PTPRK: variants seen among roughly 807,000 people sequenced by gnomAD.
The protein encoded by PTPRK is receptor-type tyrosine-protein phosphatase kappa.
A neutral mutation model predicts 178.0 loss-of-function variants in PTPRK; 75 were observed. The ratio of observed to expected loss-of-function variants is 0.42; its 90% CI spans 0.35 to 0.51. The LOEUF is 0.51. Among genes scored for constraint, PTPRK ranks in the 20% least tolerant of loss-of-function variants. PTPRK has a pLI of 0.02. For synonymous variants in PTPRK, 637 were observed against 620.6 expected (o/e 1.03, Z -0.39); for missense variants, 1,441 against 1,797.8 (o/e 0.80, Z 3.59).
At chr6:128,373,296 A>G (rs551814107) in intron 2 of PTPRK, among the ~76,000 whole-genome samples, 1 of 152,362 alleles carries the variant, frequency 6.6e-6, no homozygotes, top group Admixed American at 6.5e-5. Flanking sequence ...ACAGATGCAT[A>G]TGCAATAATC....
chr6:128,065,435 C>T (rs1174791069), intron 12 of PTPRK, among the ~76,000 whole-genome samples: 6 of 152,098 alleles, frequency 3.9e-5, no homozygotes, highest in African/African-American at 7.2e-5. Context: ...TTATTTTTAA[C>T]GCTGTCAGGT....
chr6:128,208,475 T>C (rs2128263299), intron 6 of PTPRK, among the ~76,000 whole-genome samples: 1 of 152,238 alleles, frequency 6.6e-6, no homozygotes, highest in South Asian at 2.1e-4. Flanking sequence ...GAAAAAGATT[T>C]CCACTTAACC....
intron 1 of PTPRK, among the ~76,000 whole-genome samples, chr6:128,480,239 G>A (rs78605947): frequency 2.6e-5 from 4 of 152,036 alleles, no homozygotes; most frequent in Admixed American, 6.6e-5. Flanking sequence ...TTCCCCTTTC[G>A]CGCTTGTTCT....
intron 13 of PTPRK, among the ~76,000 whole-genome samples, chr6:128,029,631 C>T (rs2114791410): frequency 7.3e-6 from 1 of 137,612 alleles, no homozygotes; most frequent in African/African-American, 2.8e-5. Flanking sequence ...AGTGAGATTC[C>T]ATCTCAAAAT....
At chr6:128,440,828 T>A (rs1846189040) in intron 1 of PTPRK, among the ~76,000 whole-genome samples, 1 of 152,134 alleles carries the variant, frequency 6.6e-6, no homozygotes, top group Non-Finnish European at 1.5e-5. Context: ...TTTAAGTAGT[T>A]CCATGCTGAT....
intron 7 of PTPRK, among the ~76,000 whole-genome samples, chr6:128,175,096 G>A (rs2114661675): frequency 6.6e-6 from 1 of 151,966 alleles, no homozygotes; most frequent in South Asian, 2.1e-4. Context: ...TTTAGACAGA[G>A]TCTAGAATAC....
In PTPRK at chr6:128,017,802, G is replaced by GTATATATATATATATATA. The variant is rs34836605; in HGVS notation, c.2195-8552_2195-8535dup. On this transcript the variant is annotated intron_variant, in intron 13 of 29. Coordinates refer to ENST00000368226, the MANE Select transcript of PTPRK (RefSeq NM_002844.4). ...TACATATATAAATAAATATATATGT[G>GTATATATATATATATATA]TATATATATATATATATATATATAT... Among the ~76,000 whole-genome samples, 143 of 101,238 alleles carry GTATATATATATATATATA rather than the reference G, an allele frequency of 1.4e-3. 2 individuals are homozygous for GTATATATATATATATATA. The highest frequency in any genetic ancestry group is 2.9e-3 in the South Asian group (8 of 2,736). 66.4% of individuals were successfully genotyped at this position (101,238 alleles called of 152,430 possible). A position where few individuals can be genotyped will look rare whatever the true frequency, so the allele number is the denominator to read the frequency against.
intron 1 of PTPRK, among the ~76,000 whole-genome samples, chr6:128,515,712 AC>A (rs145549148): frequency 0.087 from 13,286 of 152,260 alleles, 606 homozygotes; most frequent in Non-Finnish European, 0.11. Context: ...GTGCACACAC[AC>A]AGAATCCCTG....
chr6:128,463,740 GGTTTTTTTT>G (rs1233734866), intron 1 of PTPRK, among the ~76,000 whole-genome samples: 1 of 135,836 alleles, frequency 7.4e-6, no homozygotes, highest in Non-Finnish European at 1.6e-5. Context: ...CAATCTTCAC[GGTTTTTTTT>G]TTTTTTTTTT....
chr6:128,436,925 G>A (rs561339612), intron 1 of PTPRK, among the ~76,000 whole-genome samples: 1 of 152,260 alleles, frequency 6.6e-6, no homozygotes, highest in African/African-American at 2.4e-5. Context: ...GCTGTACAAC[G>A]TTACACCTAT....
At chr6:128,015,836 C>T (rs1779533158) in intron 13 of PTPRK, among the ~76,000 whole-genome samples, 1 of 151,700 alleles carries the variant, frequency 6.6e-6, no homozygotes, top group Non-Finnish European at 1.5e-5. Context: ...CAAGATAATA[C>T]CAAACTATTA....
At chr6:128,362,681 C>A (rs1253792850) in intron 2 of PTPRK, among the ~76,000 whole-genome samples, 1 of 152,034 alleles carries the variant, frequency 6.6e-6, no homozygotes, top group East Asian at 1.9e-4. Flanking sequence ...ATGGGGACCC[C>A]TGAATTTCCA....
At chr6:128,068,660 T>C (rs958368552) in intron 11 of PTPRK, among the ~76,000 whole-genome samples, 2 of 151,958 alleles carry the variant, frequency 1.3e-5, no homozygotes, top group African/African-American at 4.8e-5. Context: ...AACAATATTC[T>C]TTTTTAGTAG....
chr6:128,105,132 T>C (rs2114293510), intron 7 of PTPRK, among the ~76,000 whole-genome samples: 1 of 146,812 alleles, frequency 6.8e-6, no homozygotes, highest in African/African-American at 2.5e-5. Context: ...ACTTATTTCT[T>C]TTTTTTTTTT....
chr6:128,434,988 C>A (rs1219820472), intron 1 of PTPRK, among the ~76,000 whole-genome samples: 1 of 149,358 alleles, frequency 6.7e-6, no homozygotes, highest in African/African-American at 2.5e-5. Context: ...GGCAGGCAGG[C>A]AGGCAGGCAG....
At chr6:128,404,623 A>C (rs1380179014) in intron 1 of PTPRK, among the ~76,000 whole-genome samples, 1 of 152,240 alleles carries the variant, frequency 6.6e-6, no homozygotes, top group African/African-American at 2.4e-5. Flanking sequence ...TGGAATTCAA[A>C]AATAAGCCTC....
At chr6:128,108,069 AACACACACACACACACAC>A (rs67513455) in intron 7 of PTPRK, among the ~76,000 whole-genome samples, 21 of 133,860 alleles carry the variant, frequency 1.6e-4, no homozygotes, top group East Asian at 4.4e-4. Context: ...TAAATAGCAA[AACACACACACACACACAC>A]ACACACACAC....
chr6:128,464,628 T>TATATATACAC (rs1321126429), intron 1 of PTPRK, among the ~76,000 whole-genome samples: 1 of 71,160 alleles, frequency 1.4e-5, no homozygotes, highest in Non-Finnish European at 2.4e-5. Flanking sequence ...TACATATATA[T>TATATATACAC]ATATATACAC....
intron 3 of PTPRK, among the ~76,000 whole-genome samples, chr6:128,262,733 G>A (rs1459371651): frequency 2.0e-5 from 3 of 151,370 alleles, no homozygotes; most frequent in Admixed American, 6.6e-5. Flanking sequence ...TATACGAAAA[G>A]TCTTTTTTGT....
Sources: gnomAD v4.1 joint callset for allele counts (sites outside exome capture counted in the v4.1 genomes callset) on GRCh38, gnomAD v4.1.1 for gene constraint, MANE v1.5 for transcripts, NCBI Gene and HGNC (gene_info 2026-07-23, HGNC 2026-07-21) for gene names.